ANKRD54: variants seen among roughly 807,000 people sequenced by gnomAD.
ANKRD54 encodes ankyrin repeat domain 54, also known as ankyrin repeat domain-containing protein 54.
In ANKRD54, 26 loss-of-function variants were observed where a neutral mutation model predicts 36.2. That is an observed-to-expected ratio of 0.72 (90% CI 0.53 to 1.00). The LOEUF (loss-of-function observed/expected upper bound fraction) is 1.00. Ranked by LOEUF, ANKRD54 falls within the 50% of genes least tolerant of loss-of-function variation. The probability of loss-of-function intolerance (pLI) is 0.00; values close to 1 mark genes in which losing one functional copy is unlikely to be tolerated. For synonymous variants in ANKRD54, 209 were observed against 188.4 expected (o/e 1.11, Z -0.89); for missense variants, 384 against 424.3 (o/e 0.91, Z 0.83).
At chr22:37,841,559 A>AC (rs1569101826) in intron 1 of ANKRD54, among the ~76,000 whole-genome samples, 41 of 147,784 alleles carry the variant, frequency 2.8e-4, no homozygotes, top group African/African-American at 8.5e-4. Context: ...CACACACACA[A>AC]AAAACATAGG....
intron 4 of ANKRD54, 85 bp from the exon 5 acceptor site, chr22:37,833,291 TC>T: frequency 6.5e-7 from 1 of 1,539,668 alleles, no homozygotes; most frequent in Non-Finnish European, 8.9e-7. Flanking sequence ...GGGCTGTGTC[TC>T]CCAGACGCCT....
chr22:37,831,726 C>T lies in ANKRD54; in HGVS notation c.*217G>A. On this transcript the variant is annotated 3_prime_UTR_variant, in exon 8 of 8. Coordinates refer to ENST00000215941, the MANE Select transcript of ANKRD54 (RefSeq NM_138797.4). ...TGCGAGAACTGGAAGAAGCTGGGAGCTGTGGTCCCTGTCCACAGAGATGCT... is the reference window on the plus strand; with the variant it reads ...TGCGAGAACTGGAAGAAGCTGGGAGTTGTGGTCCCTGTCCACAGAGATGCT... 1 of 575,996 alleles carries T rather than the reference C, an allele frequency of 1.7e-6. No individual in the cohort carries two copies. The allele number at this position is 575,996 out of a possible 1,614,324, so 35.7% of individuals were successfully genotyped here.
intron 3 of ANKRD54, among the ~76,000 whole-genome samples, chr22:37,836,031 T>G (rs2145966406): frequency 6.6e-6 from 1 of 151,714 alleles, no homozygotes; most frequent in East Asian, 2.0e-4. Context: ...AGATGGGGTT[T>G]CACCGTGTTA....
chr22:37,835,983 C>A (rs997055040), intron 3 of ANKRD54, among the ~76,000 whole-genome samples: 1 of 151,842 alleles, frequency 6.6e-6, no homozygotes, highest in Admixed American at 6.6e-5. Context: ...TACAGGCACC[C>A]GCCACCACAC....
Position 37,833,691 on chromosome 22 carries a change from C to G in ANKRD54, c.540G>C (p.Leu180=), listed in dbSNP as rs1014060952. 6.2e-7 allele frequency: 1 copy of G among 1,613,998 alleles called. No homozygotes were observed. Among genetic ancestry groups the G allele is most frequent in the Non-Finnish European group, 8.5e-7 (1 of 1,179,982 alleles). The change falls in exon 4 of 8, where the codon CTG becomes CTC. Residue 180 remains leucine, a synonymous_variant. Coordinates refer to ENST00000215941, the MANE Select transcript of ANKRD54 (RefSeq NM_138797.4). ...NQRDGLGNTP[L]HLAACTNHVP... The stretch of plus-strand genomic sequence containing the variant: ...GACTTCTGACATGCTTACCCAGGTG[C>G]AGTGGCGTGTTCCCCAGCCCATCTC...
At chr22:37,842,403 G>A (rs1332230652) in intron 1 of ANKRD54, among the ~76,000 whole-genome samples, 2 of 152,218 alleles carry the variant, frequency 1.3e-5, no homozygotes, top group Non-Finnish European at 2.9e-5. Flanking sequence ...GGGTGACCTT[G>A]AGCAAGCTAG....
chr22:37,836,553 A>C (rs572652816), intron 3 of ANKRD54, among the ~76,000 whole-genome samples: 2 of 151,040 alleles, frequency 1.3e-5, no homozygotes, highest in South Asian at 2.1e-4. Context: ...GGAACATCAC[A>C]TACCAGGGCC....
chr22:37,849,329 A>G, upstream of ANKRD54: 1 of 1,223,970 alleles, frequency 8.2e-7, no homozygotes, highest in Non-Finnish European at 1.2e-6. Context: ...AGATGGCCAG[A>G]GGCCTCGGAA....
At chr22:37,836,446 T>TC (rs1923550836) in intron 3 of ANKRD54, among the ~76,000 whole-genome samples, 1 of 32,808 alleles carries the variant, frequency 3.0e-5, no homozygotes, top group South Asian at 8.5e-4. Flanking sequence ...AAACTCTGTC[T>TC]CAAAAAAAAA....
chr22:37,845,884 C>CA (rs201632084), upstream of ANKRD54, among the ~76,000 whole-genome samples: 74 of 138,934 alleles, frequency 5.3e-4, 1 homozygote, highest in East Asian at 0.014. Context: ...GAAACAAAAA[C>CA]AAAAAAAAGG....
chr22:37,843,417 C>T (rs1030760932), intron 1 of ANKRD54, among the ~76,000 whole-genome samples: 5 of 151,484 alleles, frequency 3.3e-5, no homozygotes, highest in Admixed American at 2.6e-4. Context: ...AGCGAGACTC[C>T]GTCTCCAAAA....
At chr22:37,832,123 C>G (rs1415858880) in intron 7 of ANKRD54, 106 bp from the exon 8 acceptor site, 1 of 1,096,356 alleles carries the variant, frequency 9.1e-7, no homozygotes, top group Admixed American at 2.2e-5. Context: ...GTCTCTCCTC[C>G]CAGGGCGTGT....
intron 3 of ANKRD54, chr22:37,833,969 C>A (rs1923219940): frequency 3.6e-6 from 2 of 552,434 alleles, no homozygotes; most frequent in Non-Finnish European, 6.6e-6. Context: ...TTGGGGAGGG[C>A]CTCTTGGCCT....
At chr22:37,845,234 T>C (rs759445031), upstream of ANKRD54, among the ~76,000 whole-genome samples, 2 of 152,172 alleles carry the variant, frequency 1.3e-5, no homozygotes, top group Non-Finnish European at 2.9e-5. Context: ...AGCAATAGTT[T>C]AGTTCGACAG....
chr22:37,844,319 G>T lies in ANKRD54; in HGVS notation c.-81C>A. On this transcript the variant is annotated 5_prime_UTR_variant, in exon 1 of 8. Coordinates refer to ENST00000215941, the MANE Select transcript of ANKRD54 (RefSeq NM_138797.4). The stretch of plus-strand genomic sequence containing the variant: ...GACCTACTTCCCTCCGCCCTGAGTC[G>T]TGCTGTCAGCGAGCTGGCGGGCGGG... The T allele has an allele frequency of 1.4e-6, 2 of 1,446,658 alleles. No individual in the cohort carries two copies. The highest frequency in any genetic ancestry group is 9.2e-7 in the Non-Finnish European group (1 of 1,088,982). 89.6% of individuals were successfully genotyped at this position (1,446,658 alleles called of 1,614,324 possible).
intron 6 of ANKRD54, 23 bp downstream of exon 6, chr22:37,832,935 C>T (rs1923074343): frequency 1.7e-5 from 28 of 1,612,256 alleles, no homozygotes; most frequent in Non-Finnish European, 2.4e-5. Context: ...GTGCCGTGGT[C>T]TCCACACAGA....
At position 37,833,694 on chromosome 22, in the gene ANKRD54, TGG is replaced by T; in HGVS notation, c.535_536del (p.Pro179ThrfsTer77). ...TTCTGACATGCTTACCCAGGTGCAG[TGG>T]CGTGTTCCCCAGCCCATCTCGCTGG... ...PNQRDGLGNT[P>X]LHLAACTNHV... On this transcript the variant is annotated frameshift_variant, in exon 4 of 8. Coordinates refer to ENST00000215941, the MANE Select transcript of ANKRD54 (RefSeq NM_138797.4). LOFTEE classifies it high-confidence loss of function. The T allele has an allele frequency of 2.5e-6, 4 of 1,614,104 alleles. No homozygotes were observed. Among genetic ancestry groups the T allele is most frequent in the Non-Finnish European group, 3.4e-6 (4 of 1,179,984 alleles).
In ANKRD54 at chr22:37,837,856, G is replaced by A. The variant is rs192324995; in HGVS notation, c.475+644C>T. On this transcript the variant is annotated intron_variant, in intron 3 of 7. Coordinates refer to ENST00000215941, the MANE Select transcript of ANKRD54 (RefSeq NM_138797.4). The stretch of plus-strand genomic sequence containing the variant: ...TACAAAAAAATTAACCGGTGTGGCC[G>A]GGTGCAGTCTCTCATGCCTGTAATC... 3.2e-4 allele frequency among the ~76,000 whole-genome samples: 48 copies of A among 151,822 alleles called. No homozygotes were observed. In the East Asian group the frequency reaches 7.9e-3, roughly 25 times the overall value.
In ANKRD54 at chr22:37,833,005, C is replaced by G. The variant is rs780041177; in HGVS notation, c.673G>C (p.Glu225Gln). The change falls in exon 6 of 8, where the codon GAG becomes CAG. Residue 225 changes from glutamate (E) to glutamine (Q), a missense_variant. By Grantham distance (29) the Glu-to-Gln change is conservative. Coordinates refer to ENST00000215941, the MANE Select transcript of ANKRD54 (RefSeq NM_138797.4). ...LAKSKLNILQ[E>Q]GHAQCLEAVR... ...GCCTCTAGGCACTGGGCATGGCCCT[C>G]CTGCAGGATATTCAGCTTTGACTTG... 1 of 1,614,018 alleles carries G rather than the reference C, an allele frequency of 6.2e-7. No homozygotes were observed. Among genetic ancestry groups the G allele is most frequent in the Non-Finnish European group, 8.5e-7 (1 of 1,180,044 alleles).
Sources: allele counts gnomAD v4.1 joint callset (sites outside exome capture counted in the v4.1 genomes callset), GRCh38; gene constraint gnomAD v4.1.1; transcripts MANE v1.5; gene names NCBI Gene and HGNC (gene_info 2026-07-23, HGNC 2026-07-21).